KCNN4: variants seen among roughly 807,000 people sequenced by gnomAD.
The protein encoded by KCNN4 is intermediate conductance calcium-activated potassium channel protein 4.
In KCNN4, 31 loss-of-function variants were observed where a neutral mutation model predicts 45.2. The ratio of observed to expected loss-of-function variants is 0.69; its 90% CI spans 0.52 to 0.92. The LOEUF (loss-of-function observed/expected upper bound fraction) is 0.92. Ranked by LOEUF, KCNN4 falls within the 40% of genes least tolerant of loss-of-function variation. The pLI is 0.00. For synonymous variants in KCNN4, 231 were observed against 254.6 expected (o/e 0.91, Z 0.88); for missense variants, 463 against 574.0 (o/e 0.81, Z 1.98).
At chr19:43,780,647 G>T in intron 1 of KCNN4, 56 bp downstream of exon 1, 1 of 771,888 alleles carries the variant, frequency 1.3e-6, no homozygotes, top group Non-Finnish European at 1.6e-6. Flanking sequence ...CTGACCCCCA[G>T]CCCCTCCTCC....
intron 7 of KCNN4, among the ~76,000 whole-genome samples, chr19:43,768,217 G>A (rs1441548628): frequency 6.6e-6 from 1 of 152,174 alleles, no homozygotes; most frequent in Non-Finnish European, 1.5e-5. Context: ...TGCAGATCTG[G>A]GCCACTGCCT....
intron 3 of KCNN4, among the ~76,000 whole-genome samples, chr19:43,773,244 C>T (rs1341598406): frequency 2.0e-5 from 3 of 152,368 alleles, no homozygotes; most frequent in East Asian, 1.9e-4. Flanking sequence ...TTGCAGGGAG[C>T]AGAGATTGTG....
chr19:43,767,594 G>A lies in KCNN4; in HGVS notation c.1233C>T (p.Ser411=). 6.2e-7 allele frequency: 1 copy of A among 1,614,138 alleles called. No homozygotes were observed. Among genetic ancestry groups the A allele is most frequent in the Non-Finnish European group, 8.5e-7 (1 of 1,180,028 alleles). ...GKLDALTELL[S]TALGPRQLPE... ...GAAGCTGCCTCGGCCCCAGGGCAGT[G>A]CTAAGCAGCTCAGTCAGGGCATCCA... Residue 411 remains serine (S), a synonymous_variant, in exon 8 of 9, where the codon AGC becomes AGT. Transcript: ENST00000648319.
Position 43,774,453 on chromosome 19 carries a change from C to G in KCNN4, c.422G>C (p.Trp141Ser). The G allele has an allele frequency of 6.3e-7, 1 of 1,595,662 alleles. No homozygotes were observed. The highest frequency in any genetic ancestry group is 8.5e-7 in the Non-Finnish European group (1 of 1,171,258). Residue 141 changes from tryptophan to serine, a missense_variant, in exon 3 of 9, where the codon TGG (tryptophan) becomes TCG (serine). Trp to Ser is a radical substitution (Grantham distance 177). Transcript: ENST00000648319. This position sits in a 1 kb window ranked among gnomAD's most constrained non-coding sequence, Gnocchi z 5.6. Reference protein sequence around the residue: ...LGAPLTSPQPWPGFLGQGEAL... With the variant: ...LGAPLTSPQPSPGFLGQGEAL... ...TTCCCCTTGGCCCAGGAATCCCGGC[C>G]AGGGCTGCGGGGAGGTCAGCGGCGC...
In KCNN4 at chr19:43,772,091, A is replaced by G; in HGVS notation, c.728T>C (p.Leu243Pro). The change falls in exon 4 of 9, where the codon CTG becomes CCG. Residue 243 changes from leucine to proline, a missense_variant. Physicochemically the swap from Leu to Pro is moderately conservative, Grantham distance 98. Around this residue, in one of 3 missense-constraint regions of KCNN4, gnomAD observed 109 missense variants for 183.7 expected, o/e 0.59. Transcript: ENST00000648319. The surrounding 1 kb of genome is among the most constrained non-coding windows in gnomAD (Gnocchi z 4.4). ...GATGGTCAGGAATGTGATGGGGATC[A>G]GCCAAAGTGTGTCTGAAAGGTGCCC... ...ATGHLSDTLW[L>P]IPITFLTIGY... 1 of 1,613,638 alleles carries G rather than the reference A, an allele frequency of 6.2e-7. No individual in the cohort carries two copies. The highest frequency in any genetic ancestry group is 8.5e-7 in the Non-Finnish European group (1 of 1,179,850).
chr19:43,773,537 A>G (rs1969701278), intron 3 of KCNN4, among the ~76,000 whole-genome samples: 1 of 152,178 alleles, frequency 6.6e-6, no homozygotes, highest in African/African-American at 2.4e-5. Context: ...GTAGGTCTGG[A>G]AGGGACCTGA....
chr19:43,777,298 G>GGTGTGT (rs370942754), intron 1 of KCNN4, among the ~76,000 whole-genome samples: 5 of 33,064 alleles, frequency 1.5e-4, no homozygotes, highest in African/African-American at 3.0e-4. Context: ...TAGTTCTTCA[G>GGTGTGT]GTGTGTGTGT....
At chr19:43,776,981 G>A (rs1399691169) in intron 1 of KCNN4, among the ~76,000 whole-genome samples, 1 of 152,070 alleles carries the variant, frequency 6.6e-6, no homozygotes, top group African/African-American at 2.4e-5. Context: ...CTACTTGGGA[G>A]GCTGAGGAAC....
intron 3 of KCNN4, among the ~76,000 whole-genome samples, chr19:43,773,461 G>C (rs1969699301): frequency 6.6e-6 from 1 of 152,176 alleles, no homozygotes; most frequent in Non-Finnish European, 1.5e-5. Flanking sequence ...CTCAACCTTG[G>C]TTGGGCCATA....
intron 1 of KCNN4, among the ~76,000 whole-genome samples, chr19:43,778,781 T>C (rs537517359): frequency 1.3e-5 from 2 of 152,222 alleles, no homozygotes; most frequent in Admixed American, 1.3e-4. Context: ...TTGGACTCCC[T>C]AGGGTTTTGC....
At chr19:43,777,556 C>A (rs1353051951) in intron 1 of KCNN4, among the ~76,000 whole-genome samples, 2 of 152,160 alleles carry the variant, frequency 1.3e-5, no homozygotes, top group African/African-American at 4.8e-5. Flanking sequence ...TCTGAGACAG[C>A]CCCCTCGGTT....
In KCNN4 at chr19:43,774,749, C is replaced by G; in HGVS notation, c.256-130G>C. The G allele has an allele frequency of 1.5e-6, 1 of 674,034 alleles. No homozygotes were observed. Among genetic ancestry groups the G allele is most frequent in the Non-Finnish European group, 2.3e-6 (1 of 431,872 alleles). The allele number at this position is 674,034 out of a possible 1,614,324, so 41.8% of individuals were successfully genotyped here. On this transcript the variant is annotated intron_variant, in intron 2 of 8. Coordinates refer to ENST00000648319, the MANE Select transcript of KCNN4 (RefSeq NM_002250.3). This position sits in a 1 kb window ranked among gnomAD's most constrained non-coding sequence, Gnocchi z 5.6. ...TGGCCAGGAGGGAGGGAGTGCAGGG[C>G]GGGAGAGGGATAGGGAGGGAGCGGG...
At chr19:43,767,796 AC>A in intron 7 of KCNN4, 89 bp from the exon 8 acceptor site, 1 of 1,481,950 alleles carries the variant, frequency 6.7e-7, no homozygotes, top group Non-Finnish European at 9.3e-7. Context: ...AATATTGACC[AC>A]ATCCTTATGG....
In KCNN4 at chr19:43,769,103, T is replaced by A; in HGVS notation, c.1050-71A>T. ...ATGTAGCTGTAGCTCAGGGGAGGAA[T>A]GAAGGGAGGAGAGGCACATGAAGAA... On this transcript the variant is annotated intron_variant, in intron 6 of 8. Coordinates refer to ENST00000648319, the MANE Select transcript of KCNN4 (RefSeq NM_002250.3). The surrounding 1 kb of genome is among the most constrained non-coding windows in gnomAD (Gnocchi z 4.4). The A allele has an allele frequency of 6.7e-7, 1 of 1,486,048 alleles. No homozygotes were observed. 92.1% of individuals were successfully genotyped at this position (1,486,048 alleles called of 1,614,324 possible).
Position 43,769,388 on chromosome 19 carries a change from G to A in KCNN4, c.1049+54C>T. The A allele has an allele frequency of 1.4e-6, 2 of 1,399,282 alleles. No homozygotes were observed. Among genetic ancestry groups the A allele is most frequent in the Non-Finnish European group, 2.0e-6 (2 of 988,938 alleles). 86.7% of individuals were successfully genotyped at this position (1,399,282 alleles called of 1,614,324 possible). A position where few individuals can be genotyped will look rare whatever the true frequency, so the allele number is the denominator to read the frequency against. On this transcript the variant is annotated intron_variant, in intron 6 of 8. Transcript: ENST00000648319. This position sits in a 1 kb window ranked among gnomAD's most constrained non-coding sequence, Gnocchi z 4.4. ...ATGCACACACACAGCCGTGCAGAGA[G>A]GTGACTTGGACATGGGTGCACATGG...
In KCNN4 at chr19:43,769,017, C is replaced by A. The variant is rs376631446; in HGVS notation, c.1065G>T (p.Arg355=). The A allele has an allele frequency of 6.2e-7, 1 of 1,613,966 alleles. No individual in the cohort carries two copies. The highest frequency in any genetic ancestry group is 1.7e-5 in the Admixed American group (1 of 60,006). ...GTTCCCGGAGCTTCCGGTGTTTCAGCCGCACCTGGCGGAACCTGTGGGAAG... is the reference window on the plus strand; with the variant it reads ...GTTCCCGGAGCTTCCGGTGTTTCAGACGCACCTGGCGGAACCTGTGGGAAG... ...LAAINAFRQV[R]LKHRKLREQV... The change falls in exon 7 of 9, where the codon CGG becomes CGT. Residue 355 remains arginine, a synonymous_variant. Coordinates refer to ENST00000648319, the MANE Select transcript of KCNN4 (RefSeq NM_002250.3). The surrounding 1 kb of genome is among the most constrained non-coding windows in gnomAD (Gnocchi z 4.4).
intron 7 of KCNN4, 75 bp from the exon 8 acceptor site, chr19:43,767,782 A>G: frequency 6.4e-7 from 1 of 1,559,256 alleles, no homozygotes; most frequent in Non-Finnish European, 8.8e-7. Context: ...AAGGCAATGG[A>G]ACCAATATTG....
chr19:43,776,785 G>A (rs545797286), intron 1 of KCNN4, 149 bp from the exon 2 acceptor site: 33 of 626,932 alleles, frequency 5.3e-5, no homozygotes, highest in South Asian at 2.0e-4. Flanking sequence ...TTGATGTGTC[G>A]GTTCTGGAGA....
rs1468243432 is a variant in KCNN4 at position 43,774,836 on chromosome 19, T to G, written c.256-217A>C. Among the ~76,000 whole-genome samples, 1 of 152,094 alleles carries G rather than the reference T, an allele frequency of 6.6e-6. No homozygotes were observed. The highest frequency in any genetic ancestry group is 1.5e-5 in the Non-Finnish European group (1 of 68,014). On this transcript the variant is annotated intron_variant, in intron 2 of 8. Transcript: ENST00000648319. The surrounding 1 kb of genome is among the most constrained non-coding windows in gnomAD (Gnocchi z 5.6). ...CCTTCCCCACCACCCACCCCACTAGTTTCAGCCCACTTCCAGCCTTTGAAC... is the reference window on the plus strand; with the variant it reads ...CCTTCCCCACCACCCACCCCACTAGGTTCAGCCCACTTCCAGCCTTTGAAC...
Sources: gnomAD v4.1 joint callset for allele counts (sites outside exome capture counted in the v4.1 genomes callset) on GRCh38, gnomAD v4.1.1 for gene constraint, gnomAD v4.1.1 regional missense constraint, Gnocchi (gnomAD v3.1) non-coding constraint, MANE v1.5 for transcripts, NCBI Gene and HGNC (gene_info 2026-07-23, HGNC 2026-07-21) for gene names.